RIMS2: variants seen among roughly 807,000 people sequenced by gnomAD.
RIMS2 encodes regulating synaptic membrane exocytosis protein 2.
RIMS2 carries 59 observed loss-of-function variants against 174.4 expected under a neutral mutation model. That is an observed-to-expected ratio of 0.34 (90% CI 0.27 to 0.42). RIMS2 has a LOEUF of 0.42. RIMS2 is among the 10% of genes least tolerant of loss of function. RIMS2 has a pLI of 1.00. For synonymous variants in RIMS2, 606 were observed against 572.5 expected (o/e 1.06, Z -0.84); for missense variants, 1,620 against 1,666.3 (o/e 0.97, Z 0.48).
chr8:103,944,917 A>G (rs2083369405), intron 14 of RIMS2, among the ~76,000 whole-genome samples: 1 of 152,078 alleles, frequency 6.6e-6, no homozygotes, highest in African/African-American at 2.4e-5. Flanking sequence ...GCTAAAAACA[A>G]CATTACCTTT....
chr8:104,043,534 G>C (rs1056289906), intron 19 of RIMS2, among the ~76,000 whole-genome samples: 1 of 151,618 alleles, frequency 6.6e-6, no homozygotes, highest in Admixed American at 6.6e-5. Context: ...AATGGATTGG[G>C]AAGGATGTTA....
intron 2 of RIMS2, among the ~76,000 whole-genome samples, chr8:103,741,955 T>G (rs951016344): frequency 5.3e-5 from 8 of 152,042 alleles, no homozygotes; most frequent in African/African-American, 1.7e-4. Flanking sequence ...TTACATACTG[T>G]GACAAAAGCT....
Position 103,817,290 on chromosome 8 carries a change from A to C in RIMS2, c.698+50753A>C, listed in dbSNP as rs952779205. ...TAGGCCACTGGCAGGTAGTTTTCCT[A>C]TTCATCTATTGAAATTGGCCATTTT... On this transcript the variant is annotated intron_variant, in intron 3 of 23. Transcript: ENST00000504942. 1.2e-4 allele frequency among the ~76,000 whole-genome samples: 19 copies of C among 152,296 alleles called. No individual in the cohort carries two copies. The East Asian group carries it at 3.7e-3, about 29-fold the overall frequency.
intron 1 of RIMS2, among the ~76,000 whole-genome samples, chr8:103,651,054 G>C (rs1197811553): frequency 6.6e-6 from 1 of 152,218 alleles, no homozygotes; most frequent in East Asian, 1.9e-4. Flanking sequence ...TGTCTAAGCA[G>C]CCGCTCTGCC....
chr8:104,228,029 T>C (rs184704315), intron 19 of RIMS2, among the ~76,000 whole-genome samples: 2,299 of 150,446 alleles, frequency 0.015, 39 homozygotes, highest in Admixed American at 0.036. Context: ...CTTTTCTTTT[T>C]TTTTTTTTTT....
intron 19 of RIMS2, among the ~76,000 whole-genome samples, chr8:104,131,311 A>G (rs1293456871): frequency 3.9e-5 from 6 of 152,116 alleles, no homozygotes; most frequent in Non-Finnish European, 7.4e-5. Flanking sequence ...AACTAAACCA[A>G]CCTAAACTTG....
At chr8:103,562,749 A>G (rs571346019) in intron 1 of RIMS2, among the ~76,000 whole-genome samples, 1 of 152,258 alleles carries the variant, frequency 6.6e-6, no homozygotes, top group Non-Finnish European at 1.5e-5. Flanking sequence ...CACTGCCCTA[A>G]CAGAGGTTTT....
chr8:103,712,770 A>C (rs78400325), intron 2 of RIMS2, among the ~76,000 whole-genome samples: 1,556 of 152,320 alleles, frequency 0.01, 31 homozygotes, highest in African/African-American at 0.035. Context: ...TGGGTTAGAC[A>C]TTGGTCATGA....
At chr8:103,840,634 A>C (rs2098933852) in intron 3 of RIMS2, among the ~76,000 whole-genome samples, 1 of 152,078 alleles carries the variant, frequency 6.6e-6, no homozygotes. Flanking sequence ...TTCATATGTT[A>C]ACTTTAGGAA....
intron 1 of RIMS2, chr8:103,559,475 C>A: frequency 6.6e-6 from 2 of 305,236 alleles, no homozygotes; most frequent in South Asian, 2.9e-5. Flanking sequence ...TGCAGAGTTT[C>A]CTGCTGTGGA....
At chr8:104,251,562 A>G (rs2099359238) in intron 23 of RIMS2, 40 bp from the exon 30 acceptor site, 5 of 1,030,270 alleles carry the variant, frequency 4.9e-6, no homozygotes, top group Middle Eastern at 2.1e-4. Flanking sequence ...CTATGTACAC[A>G]GTTACACTGA....
intron 10 of RIMS2, among the ~76,000 whole-genome samples, chr8:103,922,262 A>G (rs1373771434): frequency 6.6e-6 from 1 of 151,968 alleles, no homozygotes; most frequent in Admixed American, 6.5e-5. Flanking sequence ...GATACTTGAG[A>G]TATTTTTGTC....
intron 1 of RIMS2, among the ~76,000 whole-genome samples, chr8:103,574,427 C>T (rs7002996): frequency 0.18 from 27,730 of 152,162 alleles, 2,778 homozygotes; most frequent in African/African-American, 0.26. Flanking sequence ...ATATTGTTCA[C>T]AGCCTTGTCC....
intron 3 of RIMS2, among the ~76,000 whole-genome samples, chr8:103,825,170 C>T (rs1387476459): frequency 6.6e-6 from 1 of 152,158 alleles, no homozygotes; most frequent in South Asian, 2.1e-4. Context: ...GTACTGCTTC[C>T]CCACCTAGTG....
intron 3 of RIMS2, among the ~76,000 whole-genome samples, chr8:103,831,177 C>T (rs2098823482): frequency 6.6e-6 from 1 of 152,056 alleles, no homozygotes; most frequent in Non-Finnish European, 1.5e-5. Flanking sequence ...CTTGGTATTA[C>T]TGTTTGTGTA....
At chr8:103,556,163 C>T (rs1391512763) in intron 1 of RIMS2, among the ~76,000 whole-genome samples, 1 of 152,000 alleles carries the variant, frequency 6.6e-6, no homozygotes, top group Non-Finnish European at 1.5e-5. Context: ...GCATATTGTA[C>T]AGTTGAAAAT....
At chr8:104,152,949 T>C (rs531732962) in intron 19 of RIMS2, among the ~76,000 whole-genome samples, 1 of 152,284 alleles carries the variant, frequency 6.6e-6, no homozygotes, top group Admixed American at 6.5e-5. Flanking sequence ...TGTACCACCA[T>C]GGATTTCAAG....
chr8:104,178,504 G>A (rs1411895829), intron 19 of RIMS2, among the ~76,000 whole-genome samples: 1 of 152,012 alleles, frequency 6.6e-6, no homozygotes, highest in East Asian at 1.9e-4. Flanking sequence ...CCTCTTTTAA[G>A]GAGTCAATTA....
chr8:103,594,936 C>A (rs1019998405), intron 1 of RIMS2, among the ~76,000 whole-genome samples: 1 of 151,676 alleles, frequency 6.6e-6, no homozygotes, highest in African/African-American at 2.4e-5. Context: ...CCAGATAGCT[C>A]ATGATTATTC....
Sources: allele counts gnomAD v4.1 joint callset (sites outside exome capture counted in the v4.1 genomes callset), GRCh38; gene constraint gnomAD v4.1.1; transcripts MANE v1.5; gene names NCBI Gene and HGNC (gene_info 2026-07-23, HGNC 2026-07-21).